TUSC3: variants seen among roughly 807,000 people sequenced by gnomAD.
TUSC3 encodes dolichyl-diphosphooligosaccharide--protein glycosyltransferase subunit TUSC3.
A neutral mutation model predicts 44.8 loss-of-function variants in TUSC3; 45 were observed. The observed-to-expected ratio is 1.00, with a 90% confidence interval of 0.79 to 1.29. The LOEUF (loss-of-function observed/expected upper bound fraction) is 1.29, where lower values mean the gene tolerates loss of function less well. Ranked by LOEUF, TUSC3 falls within the 50% of genes most tolerant of loss-of-function variation. The probability of loss-of-function intolerance (pLI) is 0.00; values close to 1 mark genes in which losing one functional copy is unlikely to be tolerated. For missense variants in TUSC3, 519 were observed against 437.9 expected (o/e 1.19, Z -1.65); for synonymous variants, 212 against 152.9 (o/e 1.39, Z -2.85).
intron 1 of TUSC3, among the ~76,000 whole-genome samples, chr8:15,603,901 C>T (rs1804409382): frequency 1.3e-5 from 2 of 151,474 alleles, no homozygotes; most frequent in Non-Finnish European, 1.5e-5. Context: ...AATCATAGAA[C>T]TTACAGATGC....
intron 1 of TUSC3, among the ~76,000 whole-genome samples, chr8:15,451,641 G>C (rs1032371078): frequency 6.6e-6 from 1 of 152,108 alleles, no homozygotes; most frequent in Admixed American, 6.6e-5. Context: ...TATCCTCTTA[G>C]AATAAAAGAG....
the TUSC3 span, among the ~76,000 whole-genome samples, chr8:15,841,434 C>G: frequency 7.9e-5 from 12 of 152,194 alleles, no homozygotes; most frequent in Non-Finnish European, 1.2e-4. Flanking sequence ...ATCAGCCAAA[C>G]TGAACTACAT....
At chr8:15,838,232 T>C in the TUSC3 span, among the ~76,000 whole-genome samples, 1 of 152,190 alleles carries the variant, frequency 6.6e-6, no homozygotes, top group South Asian at 2.1e-4. Flanking sequence ...GATATATCAT[T>C]TACCTTTGAG....
chr8:15,632,735 A>C (rs1413349365), intron 2 of TUSC3, among the ~76,000 whole-genome samples: 1 of 152,174 alleles, frequency 6.6e-6, no homozygotes, highest in Non-Finnish European at 1.5e-5. Flanking sequence ...AGGTTTGCCA[A>C]CCTCACTTAC....
chr8:15,700,787 T>C (rs543943761), intron 6 of TUSC3, among the ~76,000 whole-genome samples: 83 of 150,608 alleles, frequency 5.5e-4, no homozygotes, highest in Non-Finnish European at 1.0e-3. Context: ...TTTCAGTGTT[T>C]GTCTGAAAAA....
rs551837056 is a variant in TUSC3 at position 15,604,221 on chromosome 8, T to A, written c.139-18859T>A. On this transcript the variant is annotated intron_variant, in intron 1 of 10. Transcript: ENST00000503731. ...TGGTTTTTGATTTTATGTACCTGTTTATGGGTGCGTCTTTATACACATAAA... is the reference window on the plus strand; with the variant it reads ...TGGTTTTTGATTTTATGTACCTGTTAATGGGTGCGTCTTTATACACATAAA... 5.3e-5 allele frequency among the ~76,000 whole-genome samples: 8 copies of A among 151,774 alleles called. No individual in the cohort carries two copies. In the South Asian group the frequency reaches 1.7e-3, roughly 31 times the overall value.
chr8:15,700,749 A>G (rs1004636028), intron 6 of TUSC3, among the ~76,000 whole-genome samples: 1 of 151,806 alleles, frequency 6.6e-6, no homozygotes, highest in African/African-American at 2.4e-5. Context: ...TACCTAAGAA[A>G]CTGTTTGTTT....
At chr8:15,479,946 A>C (rs1225696566) in intron 1 of TUSC3, among the ~76,000 whole-genome samples, 1 of 152,190 alleles carries the variant, frequency 6.6e-6, no homozygotes, top group Non-Finnish European at 1.5e-5. Flanking sequence ...GAGCAACTTC[A>C]GCAAAGTCTC....
At chr8:15,518,437 T>G (rs1407057613) in intron 2 of TUSC3, among the ~76,000 whole-genome samples, 1 of 152,172 alleles carries the variant, frequency 6.6e-6, no homozygotes, top group East Asian at 1.9e-4. Flanking sequence ...CAAGGCCTTC[T>G]CAAATCTGTA....
chr8:15,540,761 A>T (rs548539299), intron 1 of TUSC3, among the ~76,000 whole-genome samples, 193 bp downstream of exon 1: 1 of 152,230 alleles, frequency 6.6e-6, no homozygotes, highest in East Asian at 1.9e-4. Flanking sequence ...TTCTGACTTG[A>T]AAAACGACGG....
chr8:15,533,135 C>G (rs114069322), intron 2 of TUSC3, among the ~76,000 whole-genome samples: 2,099 of 152,258 alleles, frequency 0.014, 43 homozygotes, highest in African/African-American at 0.048. Flanking sequence ...TACCAGTTCT[C>G]TTTCTTTACG....
At chr8:15,525,718 C>G (rs1423248729) in intron 2 of TUSC3, among the ~76,000 whole-genome samples, 5 of 152,100 alleles carry the variant, frequency 3.3e-5, no homozygotes, top group Admixed American at 6.5e-5. Context: ...GAAACAGAGA[C>G]TTGCTCTGGG....
the TUSC3 span, among the ~76,000 whole-genome samples, chr8:15,809,478 A>G: frequency 2.9e-4 from 43 of 150,788 alleles, no homozygotes; most frequent in South Asian, 7.9e-3. Flanking sequence ...TTTGAGGTGG[A>G]TACATTCCAA....
At chr8:15,849,719 G>A in the TUSC3 span, among the ~76,000 whole-genome samples, 1 of 152,104 alleles carries the variant, frequency 6.6e-6, no homozygotes, top group African/African-American at 2.4e-5. Flanking sequence ...GCAGAGACCA[G>A]GGTAGTGCCT....
chr8:15,659,451 A>C (rs1348376711), intron 3 of TUSC3, 56 bp from the exon 4 acceptor site: 1 of 1,586,580 alleles, frequency 6.3e-7, no homozygotes, highest in African/African-American at 1.3e-5. Context: ...AGTGTAAAAT[A>C]TTGGATTAAT....
chr8:15,493,302 C>G (rs1321458854), intron 2 of TUSC3, among the ~76,000 whole-genome samples: 3 of 151,916 alleles, frequency 2.0e-5, no homozygotes, highest in African/African-American at 7.3e-5. Context: ...TCTCTGTTGC[C>G]CAGGCTAGAG....
the TUSC3 span, among the ~76,000 whole-genome samples, chr8:15,813,583 T>C: frequency 6.6e-6 from 1 of 152,132 alleles, no homozygotes; most frequent in Non-Finnish European, 1.5e-5. Flanking sequence ...TATTCTAGAA[T>C]AAAAATGATA....
intron 6 of TUSC3, among the ~76,000 whole-genome samples, chr8:15,695,385 G>A (rs1039175545): frequency 6.6e-6 from 1 of 152,196 alleles, no homozygotes; most frequent in East Asian, 1.9e-4. Context: ...TGTAAAACAT[G>A]ACTTGTTCCT....
intron 7 of TUSC3, among the ~76,000 whole-genome samples, chr8:15,739,017 G>C (rs931471699): frequency 1.3e-5 from 2 of 151,494 alleles, no homozygotes; most frequent in Admixed American, 6.6e-5. Flanking sequence ...ATTCTTAATA[G>C]AGACGGGATT....
Sources: gnomAD v4.1 joint callset for allele counts (sites outside exome capture counted in the v4.1 genomes callset) on GRCh38, gnomAD v4.1.1 for gene constraint, MANE v1.5 for transcripts, NCBI Gene and HGNC (gene_info 2026-07-23, HGNC 2026-07-21) for gene names.